The following SMAD2 variants were observed in gnomAD, a reference collection of about 807,000 sequenced individuals.
The protein encoded by SMAD2 is SMAD family member 2.
A neutral mutation model predicts 64.4 loss-of-function variants in SMAD2; 8 were observed. That is an observed-to-expected ratio of 0.12 (90% CI 0.07 to 0.22). SMAD2 has a LOEUF of 0.22. SMAD2 is among the 10% of genes least tolerant of loss of function. The pLI, the probability that SMAD2 is intolerant of heterozygous loss-of-function variation, is 1.00. For missense variants in SMAD2, 289 were observed against 561.2 expected (o/e 0.51, Z 4.90); for synonymous variants, 203 against 195.8 (o/e 1.04, Z -0.31).
chr18:47,857,140 T>C (rs1286799613), intron 6 of SMAD2, among the ~76,000 whole-genome samples: 1 of 152,228 alleles, frequency 6.6e-6, no homozygotes, highest in Admixed American at 6.5e-5. Flanking sequence ...TAATTTTTTA[T>C]AATGAACATC....
At position 47,809,788 on chromosome 18, in the gene SMAD2, T is replaced by G. The variant is rs1402405780; in HGVS notation, c.*32039A>C. ...AGGCAGATGTTATTTTTTCCCACTA[T>G]GTACCTGTTACTTGGGTGGAGATTT... is the stretch of plus-strand genomic sequence containing the variant. On this transcript the variant is annotated 3_prime_UTR_variant, in exon 11 of 11. Coordinates refer to ENST00000262160, the MANE Select transcript of SMAD2 (RefSeq NM_005901.6). The G allele has an allele frequency of 6.6e-6, 1 of 152,234 alleles. No homozygotes were observed. Among genetic ancestry groups the G allele is most frequent in the Non-Finnish European group, 1.5e-5 (1 of 68,044 alleles). The allele number at this position is 152,234 out of a possible 1,614,324, so 9.4% of individuals were successfully genotyped here.
chr18:47,849,741 C>T (rs1914911759), intron 7 of SMAD2, among the ~76,000 whole-genome samples: 3 of 152,044 alleles, frequency 2.0e-5, no homozygotes, highest in African/African-American at 4.8e-5. Context: ...AGCACGATGG[C>T]TCACGCCTGT....
At chr18:47,856,881 G>T (rs968073360) in intron 6 of SMAD2, among the ~76,000 whole-genome samples, 1 of 124,964 alleles carries the variant, frequency 8.0e-6, no homozygotes. Context: ...TTTTTGAGAC[G>T]GAGTCTCGCT....
chr18:47,904,762 A>G (rs2033836090), intron 1 of SMAD2, among the ~76,000 whole-genome samples: 1 of 152,240 alleles, frequency 6.6e-6, no homozygotes, highest in Non-Finnish European at 1.5e-5. Flanking sequence ...ACAAAGGAGA[A>G]AACGCACCTA....
chr18:47,879,196 C>G (rs2032440609), intron 2 of SMAD2, among the ~76,000 whole-genome samples: 2 of 152,180 alleles, frequency 1.3e-5, no homozygotes, highest in Admixed American at 6.5e-5. Context: ...GTTCGCTGTT[C>G]TTTTTTTCTT....
rs913758328 is a variant in SMAD2 at position 47,836,973 on chromosome 18, TCTGA to T, written c.*4850_*4853del. 4.7e-6 allele frequency: 1 copy of T among 212,384 alleles called. No homozygotes were observed. Among genetic ancestry groups the T allele is most frequent in the Non-Finnish European group, 9.5e-6 (1 of 104,848 alleles). The allele number at this position is 212,384 out of a possible 1,614,324, so 13.2% of individuals were successfully genotyped here. ...TCTGGAGACCACACACTATCATTAT[TCTGA>T]CTGTCTTAAATACAACAATCCAATA... On this transcript the variant is annotated 3_prime_UTR_variant, in exon 11 of 11. Coordinates refer to ENST00000262160, the MANE Select transcript of SMAD2 (RefSeq NM_005901.6).
chr18:47,848,970 T>C (rs1914810029), intron 7 of SMAD2, among the ~76,000 whole-genome samples: 1 of 152,220 alleles, frequency 6.6e-6, no homozygotes, highest in African/African-American at 2.4e-5. Flanking sequence ...CCAGTAGTTT[T>C]AGTCTAGCTC....
intron 1 of SMAD2, among the ~76,000 whole-genome samples, chr18:47,926,396 C>T (rs2034764287): frequency 6.6e-6 from 1 of 152,180 alleles, no homozygotes; most frequent in Non-Finnish European, 1.5e-5. Flanking sequence ...TGGCCCCAGA[C>T]ATGCTAGTCA....
rs577445713 is a variant in SMAD2, at chr18:47,869,594, T to C, written c.327-158A>G. Among the ~76,000 whole-genome samples, 114 of 152,136 alleles carry C rather than the reference T, an allele frequency of 7.5e-4. 1 individual carries two copies. Among genetic ancestry groups the C allele is most frequent in the Non-Finnish European group, 5.0e-4 (34 of 68,036 alleles). On this transcript the variant is annotated intron_variant, in intron 3 of 10. Coordinates refer to ENST00000262160, the MANE Select transcript of SMAD2 (RefSeq NM_005901.6). The stretch of plus-strand genomic sequence containing the variant: ...GAATCAAGAACAAAAATGTACTATT[T>C]AATGGATCTGATAAAAGTATGCAGC...
rs1023620316 is a variant in SMAD2 at position 47,824,089 on chromosome 18, A to C, written c.*17738T>G. On this transcript the variant is annotated 3_prime_UTR_variant, in exon 11 of 11. Transcript: ENST00000262160. ...ATGCAGGATGCAGGACCAGACCAAT[A>C]ACCCGGGAAAGGTCTATTCTGTCAC... 1 of 152,216 alleles carries C rather than the reference A, an allele frequency of 6.6e-6. No individual in the cohort carries two copies. Among genetic ancestry groups the C allele is most frequent in the Non-Finnish European group, 1.5e-5 (1 of 68,044 alleles). The allele number at this position is 152,216 out of a possible 1,614,324, so 9.4% of individuals were successfully genotyped here. A position where few individuals can be genotyped will look rare whatever the true frequency, so the allele number is the denominator to read the frequency against.
At chr18:47,845,153 T>C (rs569125677) in intron 10 of SMAD2, 187 bp downstream of exon 10, 5 of 671,602 alleles carry the variant, frequency 7.4e-6, no homozygotes, top group Non-Finnish European at 1.3e-5. Flanking sequence ...TTTAATATCT[T>C]CCATAATGGC....
chr18:47,919,686 A>C (rs1341010268), intron 1 of SMAD2, among the ~76,000 whole-genome samples: 1 of 152,202 alleles, frequency 6.6e-6, no homozygotes, highest in African/African-American at 2.4e-5. Context: ...TTCTCTCCAA[A>C]GTGAACACTG....
intron 2 of SMAD2, among the ~76,000 whole-genome samples, chr18:47,877,624 T>C (rs2144405976): frequency 6.6e-6 from 1 of 152,302 alleles, no homozygotes; most frequent in Admixed American, 6.5e-5. Context: ...GTGACTACTT[T>C]GATTAAACTT....
intron 6 of SMAD2, among the ~76,000 whole-genome samples, chr18:47,856,210 G>A (rs544763315): frequency 5.3e-5 from 8 of 152,052 alleles, no homozygotes; most frequent in Admixed American, 5.2e-4. Flanking sequence ...GGGAAAATAG[G>A]GAGATTATAG....
In SMAD2 at chr18:47,833,469, C is replaced by T. The variant is rs565292267; in HGVS notation, c.*8358G>A. On this transcript the variant is annotated 3_prime_UTR_variant, in exon 11 of 11. Transcript: ENST00000262160. ...ATAGAACGAAAGCTCACAAAGAACACATTTAATATCTCCATCACAGTGCAC... is the reference window on the plus strand; with the variant it reads ...ATAGAACGAAAGCTCACAAAGAACATATTTAATATCTCCATCACAGTGCAC... 8.7e-6 allele frequency: 2 copies of T among 228,770 alleles called. No individual in the cohort carries two copies. Among genetic ancestry groups the T allele is most frequent in the East Asian group, 6.2e-5 (1 of 16,016 alleles). The allele number at this position is 228,770 out of a possible 1,614,324, so 14.2% of individuals were successfully genotyped here.
chr18:47,921,970 T>C (rs967755477), intron 1 of SMAD2, among the ~76,000 whole-genome samples: 2 of 152,142 alleles, frequency 1.3e-5, no homozygotes, highest in Admixed American at 6.5e-5. Context: ...CTGAAGAAAG[T>C]ATGATCACTG....
chr18:47,903,578 T>C (rs2033774790), intron 1 of SMAD2, among the ~76,000 whole-genome samples: 1 of 152,012 alleles, frequency 6.6e-6, no homozygotes, highest in African/African-American at 2.4e-5. Context: ...TGTTCAGCAT[T>C]CAATCAAAAA....
Position 47,848,704 on chromosome 18 carries a change from TAAAAA to T in SMAD2, c.785-22_785-18del, listed in dbSNP as rs755626653. The T allele has an allele frequency of 6.5e-7, 1 of 1,548,670 alleles. No homozygotes were observed. Among genetic ancestry groups the T allele is most frequent in the East Asian group, 2.3e-5 (1 of 42,806 alleles). ...GCTGTAAATCTGAAAAAGAAAAAAA[TAAAAA>T]AATAATAAAAGGAAGAAATGCGTGA... On this transcript the variant is annotated intron_variant, in intron 7 of 10. Transcript: ENST00000262160.
intron 1 of SMAD2, among the ~76,000 whole-genome samples, chr18:47,923,045 G>A (rs1240864645): frequency 7.8e-6 from 1 of 128,078 alleles, no homozygotes; most frequent in African/African-American, 3.3e-5. Flanking sequence ...GCTGTGTAAA[G>A]AGACTACTTA....
Sources: gnomAD v4.1 joint callset for allele counts (sites outside exome capture counted in the v4.1 genomes callset) on GRCh38, gnomAD v4.1.1 for gene constraint, MANE v1.5 for transcripts, NCBI Gene and HGNC (gene_info 2026-07-23, HGNC 2026-07-21) for gene names.